The following SYNE1 variants were observed in gnomAD, a reference collection of about 807,000 sequenced individuals.
The protein encoded by SYNE1 is spectrin repeat containing nuclear envelope protein 1.
Under a neutral mutation model 1,111.0 loss-of-function variants are expected in SYNE1, and 616 were observed. The observed-to-expected ratio is 0.55, with a 90% CI of 0.52 to 0.59. The LOEUF is 0.59. Among genes scored for constraint, SYNE1 ranks in the 20% least tolerant of loss-of-function variants. The pLI is 0.00. For missense variants in SYNE1, 10,006 were observed against 10,417.0 expected, an observed-to-expected ratio of 0.96 and a Z score of 1.72; for synonymous variants, 3,855 against 3,825.8, an observed-to-expected ratio of 1.01 and a Z score of -0.28.
intron 3 of SYNE1, among the ~76,000 whole-genome samples, chr6:152,557,584 G>A (rs1414615508): frequency 6.6e-6 from 1 of 152,138 alleles, no homozygotes; most frequent in African/African-American, 2.4e-5. Flanking sequence ...GATTTGTTAT[G>A]TATAAGGGAA....
In SYNE1 at chr6:152,455,921, G is replaced by A; in HGVS notation, c.2692C>T (p.Gln898Ter). The change falls in exon 23 of 146, where the codon CAA becomes TAA. Residue 898 changes from glutamine to a stop codon, truncating the protein, a stop_gained. Coordinates refer to ENST00000367255, the MANE Select transcript of SYNE1 (RefSeq NM_182961.4). LOFTEE classifies it high-confidence loss of function. ...VLKHFDQTRL[Q>*]RQIADIHVAF... ...ACATGAATATCTGCAATCTGTCTTT[G>A]TAGCCTCGTCTGATCAAAATGCTTT... The A allele has an allele frequency of 6.2e-7, 1 of 1,614,098 alleles. No individual in the cohort carries two copies. Among genetic ancestry groups the A allele is most frequent in the Non-Finnish European group, 8.5e-7 (1 of 1,179,992 alleles).
chr6:152,262,822 G>A (rs1308018978), intron 100 of SYNE1, among the ~76,000 whole-genome samples: 2 of 149,188 alleles, frequency 1.3e-5, no homozygotes, highest in African/African-American at 5.0e-5. Context: ...GGAGAGATAG[G>A]ACAGGACCTG....
At chr6:152,254,118 T>C (rs540975721) in intron 104 of SYNE1, among the ~76,000 whole-genome samples, 10 of 151,704 alleles carry the variant, frequency 6.6e-5, no homozygotes, top group Admixed American at 5.9e-4. Context: ...GTCTGAGGAG[T>C]TAGGACTGGA....
chr6:152,451,296 A>G (rs1049728327), intron 25 of SYNE1, 91 bp from the exon 26 acceptor site: 3 of 1,338,500 alleles, frequency 2.2e-6, no homozygotes, highest in Non-Finnish European at 2.1e-6. Flanking sequence ...AACAAAAACC[A>G]TAACATATTC....
chr6:152,151,968 G>A lies in SYNE1; in HGVS notation c.24303C>T (p.Arg8101=), dbSNP rs371156347. 4.3e-6 allele frequency: 7 copies of A among 1,614,044 alleles called. No homozygotes were observed. In the African/African-American group the frequency reaches 9.3e-5, roughly 22 times the overall value. Residue 8101 remains arginine (R), a synonymous_variant, in exon 134 of 146, where the codon CGC becomes CGT. Transcript: ENST00000367255. ...GAGGCATAGCAAAAACCTTGAGTCT[G>A]CGCAAGATGGAGGTGACACGCTTTT... ...NLQKRVTSIL[R]RLKHFIGQRE...
chr6:152,381,647 T>C, intron 55 of SYNE1: 1 of 467,038 alleles, frequency 2.1e-6, no homozygotes, highest in Admixed American at 3.4e-5. Flanking sequence ...TGAAAATGTT[T>C]AGTGACTCAA....
At chr6:152,167,627 G>C (rs143244581) in intron 130 of SYNE1, 33 of 426,176 alleles carry the variant, frequency 7.7e-5, no homozygotes, top group African/African-American at 6.4e-4. Flanking sequence ...ACAAACAAAA[G>C]CAACTTTCTC....
At position 152,269,205 on chromosome 6, in the gene SYNE1, C is replaced by G. The variant is rs538161615; in HGVS notation, c.18655G>C (p.Ala6219Pro). The G allele has an allele frequency of 8.7e-6, 14 of 1,614,074 alleles. No individual in the cohort carries two copies. The highest frequency in any genetic ancestry group is 1.1e-5 in the Non-Finnish European group (13 of 1,180,040). Residue 6219 changes from alanine (A) to proline (P), a missense_variant, in exon 99 of 146, where the codon GCT (alanine) becomes CCT (proline). Ala to Pro is a conservative substitution (Grantham distance 27). This residue lies in a region of SYNE1 where 2,182 missense variants were observed against 2,287.8 expected (regional missense o/e 0.95). Coordinates refer to ENST00000367255, the MANE Select transcript of SYNE1 (RefSeq NM_182961.4). The part of the protein sequence containing the change: ...SPGVQEWLAQ[A>P]RTTWTQQRQS... Reference sequence around the variant, plus strand: ...CGCTGCTGGGTCCATGTGGTGCGAGCTTGGGCCAGCCATTCCTGGACGCCG... The same window carrying G: ...CGCTGCTGGGTCCATGTGGTGCGAGGTTGGGCCAGCCATTCCTGGACGCCG...
intron 45 of SYNE1, among the ~76,000 whole-genome samples, chr6:152,406,265 CA>C (rs1220702439): frequency 1.3e-5 from 2 of 152,066 alleles, no homozygotes; most frequent in Non-Finnish European, 2.9e-5. Context: ...GGAAGAACCC[CA>C]CTACCTGGCA....
At chr6:152,463,978 T>A (rs1420448523) in intron 18 of SYNE1, among the ~76,000 whole-genome samples, 1 of 152,192 alleles carries the variant, frequency 6.6e-6, no homozygotes, top group Non-Finnish European at 1.5e-5. Flanking sequence ...GTGGTAAAGT[T>A]GGGGCTTTTA....
intron 130 of SYNE1, among the ~76,000 whole-genome samples, chr6:152,170,813 G>C (rs898796164): frequency 2.0e-5 from 3 of 152,194 alleles, no homozygotes; most frequent in African/African-American, 7.2e-5. Flanking sequence ...TGGTTTAGCT[G>C]TGTCACTACC....
intron 6 of SYNE1, 46 bp downstream of exon 6, chr6:152,520,413 G>T: frequency 6.3e-7 from 1 of 1,587,414 alleles, no homozygotes; most frequent in South Asian, 1.1e-5. Flanking sequence ...ACATAAGTAT[G>T]CCCACACCTT....
At chr6:152,432,636 A>T (rs1332453531) in intron 34 of SYNE1, among the ~76,000 whole-genome samples, 1 of 152,164 alleles carries the variant, frequency 6.6e-6, no homozygotes, top group Non-Finnish European at 1.5e-5. Context: ...TAAGGGTGGA[A>T]ATAATAGTAA....
At chr6:152,250,821 C>T (rs149525639) in intron 104 of SYNE1, among the ~76,000 whole-genome samples, 267 of 152,332 alleles carry the variant, frequency 1.8e-3, no homozygotes, top group Non-Finnish European at 2.1e-3. Flanking sequence ...CAGAAGCCTA[C>T]ATTATCTACA....
chr6:152,636,183 C>G (rs2099705647), intron 2 of SYNE1, among the ~76,000 whole-genome samples: 1 of 152,102 alleles, frequency 6.6e-6, no homozygotes, highest in Non-Finnish European at 1.5e-5. Context: ...CTCCGCGCAG[C>G]CTTCAAGCCA....
chr6:152,490,544 G>T (rs1375333782), intron 11 of SYNE1, among the ~76,000 whole-genome samples: 1 of 152,018 alleles, frequency 6.6e-6, no homozygotes, highest in African/African-American at 2.4e-5. Flanking sequence ...TCCCCATTCA[G>T]CACCTTGTAA....
chr6:152,209,410 G>C (rs1357500196), intron 124 of SYNE1, among the ~76,000 whole-genome samples: 2 of 152,110 alleles, frequency 1.3e-5, no homozygotes, highest in African/African-American at 4.8e-5. Context: ...AATGTACTAA[G>C]TAAAGCCTCT....
intron 2 of SYNE1, among the ~76,000 whole-genome samples, chr6:152,632,069 C>A (rs1365116037): frequency 6.6e-6 from 1 of 152,172 alleles, no homozygotes; most frequent in Non-Finnish European, 1.5e-5. Context: ...ACGATCCATA[C>A]TATCCTAGGT....
At chr6:152,195,265 CTG>C (rs572751071) in intron 127 of SYNE1, among the ~76,000 whole-genome samples, 55 of 152,300 alleles carry the variant, frequency 3.6e-4, no homozygotes, top group African/African-American at 1.3e-3. Context: ...TTGCATATAT[CTG>C]TCTCTCCAGA....
Sources: allele counts gnomAD v4.1 joint callset (sites outside exome capture counted in the v4.1 genomes callset), GRCh38; gene constraint gnomAD v4.1.1; regional missense constraint gnomAD v4.1.1; transcripts MANE v1.5; gene names NCBI Gene and HGNC (gene_info 2026-07-23, HGNC 2026-07-21).